Variants in CEACAM18 observed in about 807,000 individuals in gnomAD.
CEACAM18 encodes CEA cell adhesion molecule 18, also known as cell adhesion molecule CEACAM18.
In CEACAM18, 33 loss-of-function variants were observed where a neutral mutation model predicts 34.3. The ratio of observed to expected loss-of-function variants is 0.96; its 90% CI spans 0.73 to 1.29. The LOEUF (loss-of-function observed/expected upper bound fraction) is 1.29, where lower values mean the gene tolerates loss of function less well. Among genes scored for constraint, CEACAM18 ranks in the 50% most tolerant of loss-of-function variants. The probability of loss-of-function intolerance (pLI) is 0.00; values close to 1 mark genes in which losing one functional copy is unlikely to be tolerated. For synonymous variants in CEACAM18, 169 were observed against 180.9 expected (o/e 0.93, Z 0.53); for missense variants, 474 against 485.0 (o/e 0.98, Z 0.21).
In CEACAM18 at chr19:51,490,611, C is replaced by CTGAGGACATG; in HGVS notation, c.1114_1115insTGAGGACATG (p.His372LeufsTer4). On this transcript the variant is annotated stop_gained and frameshift_variant, in exon 6 of 6. Coordinates refer to ENST00000396477, the Ensembl canonical transcript of CEACAM18. LOFTEE classifies it high-confidence loss of function. The stretch of plus-strand genomic sequence containing the variant: ...GGACAAATCGGGCTCCATGAGTGTC[C>CTGAGGACATG]ACCCCAGACCTGAGGACAAGACCAG... 1 of 1,232,270 alleles carries CTGAGGACATG rather than the reference C, an allele frequency of 8.1e-7. No homozygotes were observed. The highest frequency in any genetic ancestry group is 1.0e-6 in the Non-Finnish European group (1 of 988,116). 76.3% of individuals were successfully genotyped at this position (1,232,270 alleles called of 1,614,324 possible).
chr19:51,479,666 C>A (rs1568522787), intron 1 of CEACAM18, among the ~76,000 whole-genome samples: 3 of 152,036 alleles, frequency 2.0e-5, no homozygotes, highest in Non-Finnish European at 4.4e-5. Context: ...CAAGCTGAGA[C>A]CTGAGTGATG....
exon 4 of CEACAM18, chr19:51,483,171 C>A: frequency 5.0e-6 from 8 of 1,614,010 alleles, no homozygotes; most frequent in Non-Finnish European, 6.8e-6. Flanking sequence ...TCCTGAACTT[C>A]TCAGATGCAA....
intron 5 of CEACAM18, among the ~76,000 whole-genome samples, chr19:51,485,639 G>T (rs548348583): frequency 6.6e-6 from 1 of 152,184 alleles, no homozygotes; most frequent in African/African-American, 2.4e-5. Context: ...AAGAATGAAC[G>T]GAGCAACAAC....
chr19:51,490,388 C>A (rs1027035626), intron 5 of CEACAM18, among the ~76,000 whole-genome samples, 199 bp from the exon 6 acceptor site: 1 of 152,096 alleles, frequency 6.6e-6, no homozygotes, highest in African/African-American at 2.4e-5. Flanking sequence ...CCTCGGAAAT[C>A]TTTAAAAGTA....
At chr19:51,484,312 G>A (rs1464473387) in intron 4 of CEACAM18, among the ~76,000 whole-genome samples, 3 of 148,504 alleles carry the variant, frequency 2.0e-5, no homozygotes, top group Non-Finnish European at 4.5e-5. Context: ...GCAGAAGCTG[G>A]GGAAGCTTTT....
At chr19:51,482,983 AAC>A in intron 3 of CEACAM18, 32 bp from the exon 4 acceptor site, 1 of 1,605,410 alleles carries the variant, frequency 6.2e-7, no homozygotes, top group Non-Finnish European at 8.5e-7. Context: ...AGGGGTCAGA[AAC>A]ATAGCCTGGG....
In CEACAM18 at chr19:51,487,041, C is replaced by T. The variant is rs1990017725; in HGVS notation, c.1089+1919C>T. Among the ~76,000 whole-genome samples, 3 of 152,092 alleles carry T rather than the reference C, an allele frequency of 2.0e-5. No individual in the cohort carries two copies. The South Asian group carries it at 6.2e-4, about 32-fold the overall frequency. On this transcript the variant is annotated intron_variant, in intron 5 of 5. Transcript: ENST00000396477. Reference sequence around the variant, plus strand: ...CTGGCCTTATTGAGCTAATTTTCATCTAAAATTTTAAACTAAATGAAAATG... The same window carrying T: ...CTGGCCTTATTGAGCTAATTTTCATTTAAAATTTTAAACTAAATGAAAATG...
At chr19:51,478,539 G>A (rs373783072), upstream of CEACAM18, 20 of 1,057,122 alleles carry the variant, frequency 1.9e-5, no homozygotes, top group African/African-American at 3.2e-5. Context: ...GCTGGGAGAC[G>A]AGACCGGCAG....
intron 5 of CEACAM18, among the ~76,000 whole-genome samples, chr19:51,486,576 G>C (rs538058468): frequency 6.6e-6 from 1 of 151,118 alleles, no homozygotes; most frequent in South Asian, 2.1e-4. Flanking sequence ...ATCTCTAGGG[G>C]CCAGTCTCCT....
chr19:51,489,951 C>A (rs1047613036), intron 5 of CEACAM18, among the ~76,000 whole-genome samples: 10 of 152,154 alleles, frequency 6.6e-5, no homozygotes, highest in African/African-American at 2.2e-4. Context: ...CCTGGAAGAA[C>A]CCCCCTGGCC....
intron 5 of CEACAM18, among the ~76,000 whole-genome samples, chr19:51,486,313 G>A (rs1989999112): frequency 6.6e-6 from 1 of 152,104 alleles, no homozygotes; most frequent in Non-Finnish European, 1.5e-5. Flanking sequence ...CAGTGCTGAT[G>A]GTGATGATTA....
chr19:51,486,894 T>G (rs1201621384), intron 5 of CEACAM18, among the ~76,000 whole-genome samples: 5 of 126,940 alleles, frequency 3.9e-5, no homozygotes, highest in African/African-American at 1.6e-4. Flanking sequence ...ATTTTTTTGT[T>G]TTTTTTTTTA....
chr19:51,484,713 G>C (rs1989972097), intron 4 of CEACAM18, among the ~76,000 whole-genome samples: 1 of 99,482 alleles, frequency 1.0e-5, no homozygotes, highest in Admixed American at 1.0e-4. Flanking sequence ...CCCTTATGAG[G>C]GTTTATTCTT....
chr19:51,480,248 G>A lies in CEACAM18; in HGVS notation c.53-85G>A, dbSNP rs554695712. Reference sequence around the variant, plus strand: ...ACCAGCGTCTCTGGGAATCGTTCCCGGATGGTGTCTTTTTTCCTTGTCTTC... The same window carrying A: ...ACCAGCGTCTCTGGGAATCGTTCCCAGATGGTGTCTTTTTTCCTTGTCTTC... On this transcript the variant is annotated intron_variant, in intron 1 of 5. Coordinates refer to ENST00000396477, the Ensembl canonical transcript of CEACAM18. 5.9e-4 allele frequency: 667 copies of A among 1,136,446 alleles called. 3 individuals are homozygous for A. Among genetic ancestry groups the A allele is most frequent in the Non-Finnish European group, 7.2e-4 (584 of 807,474 alleles). The allele number at this position is 1,136,446 out of a possible 1,614,324, so 70.4% of individuals were successfully genotyped here.
At chr19:51,489,449 A>G (rs1172911225) in intron 5 of CEACAM18, among the ~76,000 whole-genome samples, 2 of 151,940 alleles carry the variant, frequency 1.3e-5, no homozygotes, top group East Asian at 3.9e-4. Flanking sequence ...ATACCACCCA[A>G]AAGGCACAGG....
At chr19:51,483,871 G>A (rs1278485167) in intron 4 of CEACAM18, among the ~76,000 whole-genome samples, 1 of 152,168 alleles carries the variant, frequency 6.6e-6, no homozygotes, top group Non-Finnish European at 1.5e-5. Context: ...TTGTAAATGG[G>A]GAAAGCATCT....
chr19:51,482,866 A>T, intron 3 of CEACAM18, 151 bp from the exon 4 acceptor site: 1 of 764,144 alleles, frequency 1.3e-6, no homozygotes, highest in Non-Finnish European at 2.1e-6. Flanking sequence ...TCTTATGGTT[A>T]TTGTTGTTGA....
exon 3 of CEACAM18, chr19:51,481,406 T>C: frequency 3.7e-6 from 6 of 1,613,850 alleles, no homozygotes; most frequent in Non-Finnish European, 5.1e-6. Flanking sequence ...TGGGAAGCAA[T>C]CTGGGCATCT....
chr19:51,481,514 T>C, exon 3 of CEACAM18: 2 of 1,614,038 alleles, frequency 1.2e-6, no homozygotes, highest in South Asian at 2.2e-5. Flanking sequence ...ATGATGTGCC[T>C]ACCTCTAGTA....
Sources: allele counts gnomAD v4.1 joint callset (sites outside exome capture counted in the v4.1 genomes callset), GRCh38; gene constraint gnomAD v4.1.1; transcripts MANE v1.5; gene names NCBI Gene and HGNC (gene_info 2026-07-23, HGNC 2026-07-21).